Variants in CDC34 observed in about 807,000 individuals in gnomAD.
The protein encoded by CDC34 is cell division cycle 34, ubiquitin conjugating enzyme.
Under a neutral mutation model 26.8 loss-of-function variants are expected in CDC34, and 18 were observed. The ratio of observed to expected loss-of-function variants is 0.67; its 90% CI spans 0.47 to 1.00. The LOEUF is 1.00. Among genes scored for constraint, CDC34 ranks in the 50% least tolerant of loss-of-function variants. The pLI is 0.00. For synonymous variants in CDC34, 178 were observed against 147.5 expected (o/e 1.21, Z -1.50); for missense variants, 280 against 334.5 (o/e 0.84, Z 1.27).
At chr19:536,940 C>G (rs756204841) in intron 3 of CDC34, 73 bp from the exon 4 acceptor site, 1 of 1,587,736 alleles carries the variant, frequency 6.3e-7, no homozygotes, top group East Asian at 2.2e-5. Context: ...GTCCCCGTGA[C>G]CCTCAGGGCC....
Position 541,586 on chromosome 19 carries a change from C to G in CDC34, c.*34C>G. 5 of 1,535,136 alleles carry G rather than the reference C, an allele frequency of 3.3e-6. No individual in the cohort carries two copies. Among genetic ancestry groups the G allele is most frequent in the Non-Finnish European group, 4.4e-6 (5 of 1,138,154 alleles). On this transcript the variant is annotated 3_prime_UTR_variant, in exon 5 of 5. Transcript: ENST00000215574. ...GAATAAACTTGCCGAGTTTACCTCACTAGGGCCGGACCCGTGGCTCCTTAG... is the reference window on the plus strand; with the variant it reads ...GAATAAACTTGCCGAGTTTACCTCAGTAGGGCCGGACCCGTGGCTCCTTAG...
In CDC34 at chr19:541,400, C is replaced by G. The variant is rs1323726074; in HGVS notation, c.559C>G (p.Leu187Val). Residue 187 changes from leucine (L) to valine (V), a missense_variant, in exon 5 of 5, where the codon CTG becomes GTG. Transcript: ENST00000215574. ...TGACGGCGTGAAGGTGCCCACCACG[C>G]TGGCCGAGTACTGCGTGAAGACCAA... ...ERDGVKVPTT[L>V]AEYCVKTKAP... 6.2e-7 allele frequency: 1 copy of G among 1,611,496 alleles called. No individual in the cohort carries two copies. Among genetic ancestry groups the G allele is most frequent in the African/African-American group, 1.3e-5 (1 of 75,036 alleles).
chr19:535,926 G>A lies in CDC34; in HGVS notation c.264+3G>A. 2 of 1,613,098 alleles carry A rather than the reference G, an allele frequency of 1.2e-6. No homozygotes were observed. Among genetic ancestry groups the A allele is most frequent in the South Asian group, 2.2e-5 (2 of 91,086 alleles). ...TGTGGCACCCTAACATCTACGAGGT[G>A]AGCGCGGCCCCCACGGGCCTCAAGT... is the stretch of plus-strand genomic sequence containing the variant. On this transcript the variant is annotated splice_donor_region_variant and intron_variant, in intron 2 of 4. Transcript: ENST00000215574.
At chr19:540,786 T>C (rs7259097) in intron 4 of CDC34, among the ~76,000 whole-genome samples, 2,569 of 11,964 alleles carry the variant, frequency 0.21, 520 homozygotes, top group South Asian at 0.38. Context: ...ATCCAGAGGC[T>C]GGGATGGCCA....
chr19:537,459 T>A (rs561380001), intron 4 of CDC34, among the ~76,000 whole-genome samples: 1 of 152,052 alleles, frequency 6.6e-6, no homozygotes, highest in Non-Finnish European at 1.5e-5. Flanking sequence ...TTCACGCCAT[T>A]CTCCTGCCTC....
chr19:536,900 G>A (rs892204), intron 3 of CDC34, 113 bp from the exon 4 acceptor site: 1,127,191 of 1,228,156 alleles, frequency 0.92, 518,578 homozygotes, highest in East Asian at 1. Flanking sequence ...ATGAGGCCAG[G>A]TGAAGGTCAC....
At chr19:539,746 G>T (rs1979925787) in intron 4 of CDC34, among the ~76,000 whole-genome samples, 1 of 152,226 alleles carries the variant, frequency 6.6e-6, no homozygotes, top group African/African-American at 2.4e-5. Context: ...AATGGGGTCA[G>T]CGTGCCGCCT....
rs1980029372 is a variant in CDC34 at position 541,750 on chromosome 19, G to A, written c.*198G>A. On this transcript the variant is annotated 3_prime_UTR_variant, in exon 5 of 5. Transcript: ENST00000215574. ...GAGGGGCTGCCCCACCGCCACTCACGTCACTCGGGGCTCGGTGGACGGGCC... is the reference window on the plus strand; with the variant it reads ...GAGGGGCTGCCCCACCGCCACTCACATCACTCGGGGCTCGGTGGACGGGCC... 8 of 513,758 alleles carry A rather than the reference G, an allele frequency of 1.6e-5. No individual in the cohort carries two copies. The South Asian group carries it at 1.6e-4, about 10-fold the overall frequency. 31.8% of individuals were successfully genotyped at this position (513,758 alleles called of 1,614,324 possible). A position where few individuals can be genotyped will look rare whatever the true frequency, so the allele number is the denominator to read the frequency against.
rs757821021 is a variant in CDC34, at chr19:541,282, G to T, written c.498-57G>T. On this transcript the variant is annotated intron_variant, in intron 4 of 4. Coordinates refer to ENST00000215574, the MANE Select transcript of CDC34 (RefSeq NM_004359.2). ...GCGTCGGACCTGGGGGAGGGGGGCC[G>T]GGCAGGGGCCGAGTCCAGGCACGTG... The T allele has an allele frequency of 2.1e-4, 313 of 1,468,756 alleles. 1 individual carries two copies. Among genetic ancestry groups the T allele is most frequent in the Non-Finnish European group, 2.7e-4 (295 of 1,113,016 alleles). 91.0% of individuals were successfully genotyped at this position (1,468,756 alleles called of 1,614,324 possible). A position where few individuals can be genotyped will look rare whatever the true frequency, so the allele number is the denominator to read the frequency against.
chr19:539,898 T>C (rs909910739), intron 4 of CDC34, among the ~76,000 whole-genome samples: 11 of 152,250 alleles, frequency 7.2e-5, no homozygotes, highest in African/African-American at 2.4e-4. Flanking sequence ...GGGCCGGGTG[T>C]ACACGGTGCC....
chr19:537,717 G>A (rs951257267), intron 4 of CDC34, among the ~76,000 whole-genome samples: 2 of 140,714 alleles, frequency 1.4e-5, no homozygotes, highest in Non-Finnish European at 3.0e-5. Flanking sequence ...GTGCAGTGGT[G>A]CGATCTCGGC....
chr19:531,853 G>GCGGCC lies in CDC34; in HGVS notation c.-71_-67dup. On this transcript the variant is annotated 5_prime_UTR_variant, in exon 1 of 5. Transcript: ENST00000215574. The stretch of plus-strand genomic sequence containing the variant: ...CCGGTGGCTCCCCCCCGGACGGTGC[G>GCGGCC]CGGCCCGGCCCGTCTCGCGAACTCG... 1 of 948,150 alleles carries GCGGCC rather than the reference G, an allele frequency of 1.1e-6. No individual in the cohort carries two copies. Among genetic ancestry groups the GCGGCC allele is most frequent in the Non-Finnish European group, 1.3e-6 (1 of 749,366 alleles). The allele number at this position is 948,150 out of a possible 1,614,324, so 58.7% of individuals were successfully genotyped here.
At chr19:532,672 C>T (rs1192908051) in intron 1 of CDC34, among the ~76,000 whole-genome samples, 1 of 152,266 alleles carries the variant, frequency 6.6e-6, no homozygotes, top group Non-Finnish European at 1.5e-5. Context: ...CAGTCTCCAA[C>T]AAAGGCCCGG....
chr19:535,714 C>T (rs1287051724), intron 1 of CDC34, 123 bp from the exon 2 acceptor site: 15 of 774,984 alleles, frequency 1.9e-5, no homozygotes, highest in Admixed American at 9.0e-5. Context: ...GGGCAGGATA[C>T]GGTGTCCCTC....
intron 1 of CDC34, among the ~76,000 whole-genome samples, chr19:535,621 C>G (rs10409849): frequency 0.5 from 75,621 of 152,132 alleles, 19,109 homozygotes; most frequent in African/African-American, 0.59. Flanking sequence ...TGTGTAGGAG[C>G]TGGGATCAGC....
At chr19:539,324 G>A (rs538769877) in intron 4 of CDC34, among the ~76,000 whole-genome samples, 14 of 145,278 alleles carry the variant, frequency 9.6e-5, no homozygotes, top group African/African-American at 3.3e-4. Context: ...CCACCTCTGC[G>A]GTGCCGTCCC....
At chr19:536,806 C>A in intron 3 of CDC34, 1 of 609,616 alleles carries the variant, frequency 1.6e-6, no homozygotes, top group Non-Finnish European at 2.9e-6. Context: ...CCTTGCTGCC[C>A]TCCCTGGTCT....
At chr19:533,995 G>A (rs987017526) in intron 1 of CDC34, among the ~76,000 whole-genome samples, 1 of 152,244 alleles carries the variant, frequency 6.6e-6, no homozygotes, top group East Asian at 1.9e-4. Context: ...GCCCTCCACA[G>A]CCGACTTGCT....
chr19:536,959 G>A, intron 3 of CDC34, 54 bp from the exon 4 acceptor site: 1 of 1,610,174 alleles, frequency 6.2e-7, no homozygotes. Context: ...CCAGAGAAGA[G>A]CCGGAAGGCT....
Sources: allele counts gnomAD v4.1 joint callset (sites outside exome capture counted in the v4.1 genomes callset), GRCh38; gene constraint gnomAD v4.1.1; transcripts MANE v1.5; gene names NCBI Gene and HGNC (gene_info 2026-07-23, HGNC 2026-07-21).